SPEF2: variants seen among roughly 807,000 people sequenced by gnomAD.
SPEF2 encodes sperm flagellar and cilia associated 2, also known as sperm flagella and cilia-associated protein 2.
SPEF2 carries 187 observed loss-of-function variants against 224.6 expected under a neutral mutation model. The ratio of observed to expected loss-of-function variants is 0.83; its 90% CI spans 0.74 to 0.94. SPEF2 has a LOEUF of 0.94. Among genes scored for constraint, SPEF2 ranks in the 40% least tolerant of loss-of-function variants. The pLI is 0.00. For synonymous variants in SPEF2, 715 were observed against 707.3 expected (o/e 1.01, Z -0.17); for missense variants, 2,170 against 2,135.6 (o/e 1.02, Z -0.32).
intron 18 of SPEF2, among the ~76,000 whole-genome samples, chr5:35,706,961 C>T (rs1739896228): frequency 6.6e-6 from 1 of 152,180 alleles, no homozygotes; most frequent in Admixed American, 6.5e-5. Flanking sequence ...GGGTTAGAAT[C>T]AGTTTGTTTT....
At chr5:35,795,538 T>C (rs1174558397) in intron 32 of SPEF2, among the ~76,000 whole-genome samples, 165 bp from the exon 33 acceptor site, 2 of 152,154 alleles carry the variant, frequency 1.3e-5, no homozygotes, top group Non-Finnish European at 2.9e-5. Flanking sequence ...TAAAAAGAAA[T>C]GTAAATGGAA....
chr5:35,710,013 C>T (rs1740780351), intron 19 of SPEF2: 3 of 978,456 alleles, frequency 3.1e-6, no homozygotes, highest in African/African-American at 3.5e-5. Flanking sequence ...TAAACTTATT[C>T]ATATTAAACA....
chr5:35,666,744 C>G (rs1433965785), intron 8 of SPEF2, among the ~76,000 whole-genome samples: 1 of 152,132 alleles, frequency 6.6e-6, no homozygotes, highest in Non-Finnish European at 1.5e-5. Flanking sequence ...TCTCTCCGAT[C>G]CCTATTTGCA....
intron 6 of SPEF2, among the ~76,000 whole-genome samples, chr5:35,651,501 G>T (rs751376638): frequency 6.6e-6 from 1 of 152,142 alleles, no homozygotes; most frequent in East Asian, 1.9e-4. Context: ...CACAAAGTTC[G>T]TTTTCTCTTT....
intron 1 of SPEF2, among the ~76,000 whole-genome samples, chr5:35,622,867 A>G (rs952296477): frequency 1.3e-5 from 2 of 152,220 alleles, no homozygotes; most frequent in African/African-American, 2.4e-5. Flanking sequence ...TATTTTCACA[A>G]TTAAAGAGGG....
At chr5:35,723,138 G>A (rs201741252) in intron 20 of SPEF2, among the ~76,000 whole-genome samples, 1 of 152,126 alleles carries the variant, frequency 6.6e-6, no homozygotes, top group East Asian at 1.9e-4. Context: ...AACTTCCCAA[G>A]GCTTCACCCC....
At chr5:35,796,501 A>G (rs1756686318) in intron 33 of SPEF2, among the ~76,000 whole-genome samples, 1 of 151,680 alleles carries the variant, frequency 6.6e-6, no homozygotes, top group South Asian at 2.1e-4. Flanking sequence ...AGTCCCAGCT[A>G]CTCGGGAGGT....
intron 33 of SPEF2, among the ~76,000 whole-genome samples, chr5:35,796,303 C>A (rs1247364877): frequency 7.1e-6 from 1 of 140,342 alleles, no homozygotes; most frequent in African/African-American, 3.1e-5. Context: ...CAATAAAAAG[C>A]CAGACCTTAA....
chr5:35,619,478 C>T lies in SPEF2; in HGVS notation c.58+1423C>T, dbSNP rs765905054. Among the ~76,000 whole-genome samples, 10 of 152,036 alleles carry T rather than the reference C, an allele frequency of 6.6e-5. No individual in the cohort carries two copies. In the East Asian group the frequency reaches 1.4e-3, roughly 21 times the overall value. On this transcript the variant is annotated intron_variant, in intron 1 of 36. Coordinates refer to ENST00000356031, the MANE Select transcript of SPEF2 (RefSeq NM_024867.4). ...TGGGCAGATCATGAGGTCAGGAGTTCGAGACCAGCCTGGCCAACATAGTGA... is the reference window on the plus strand; with the variant it reads ...TGGGCAGATCATGAGGTCAGGAGTTTGAGACCAGCCTGGCCAACATAGTGA...
At chr5:35,621,030 T>C (rs1743433545) in intron 1 of SPEF2, among the ~76,000 whole-genome samples, 1 of 152,202 alleles carries the variant, frequency 6.6e-6, no homozygotes, top group South Asian at 2.1e-4. Context: ...ATCTCTGTTA[T>C]CTGGCTTGTT....
intron 2 of SPEF2, among the ~76,000 whole-genome samples, chr5:35,637,149 G>A (rs1745953384): frequency 1.3e-5 from 2 of 152,068 alleles, no homozygotes; most frequent in African/African-American, 4.8e-5. Context: ...TGGAGCTAGG[G>A]AGTGAGGTAT....
chr5:35,813,552 G>A (rs1012009144), intron 36 of SPEF2, among the ~76,000 whole-genome samples: 5 of 152,078 alleles, frequency 3.3e-5, no homozygotes, highest in Admixed American at 2.0e-4. Flanking sequence ...AGTCAATGGG[G>A]AGCAGCTTTT....
Position 35,712,839 on chromosome 5 carries a change from T to C in SPEF2, c.2867T>C (p.Leu956Pro). 6.2e-7 allele frequency: 1 copy of C among 1,613,820 alleles called. No homozygotes were observed. Among genetic ancestry groups the C allele is most frequent in the South Asian group, 1.1e-5 (1 of 91,050 alleles). The change falls in exon 20 of 37, where the codon CTT becomes CCT. Residue 956 changes from leucine to proline, a missense_variant. Transcript: ENST00000356031. ...SEAPHGKQES[L>P]QEGKGKKGET... The stretch of plus-strand genomic sequence containing the variant: ...GCCCCGCATGGTAAGCAAGAATCTC[T>C]TCAGGAAGGAAAAGGGAAGAAAGGT...
chr5:35,756,055 C>T (rs762703822), intron 24 of SPEF2, among the ~76,000 whole-genome samples: 7 of 152,050 alleles, frequency 4.6e-5, no homozygotes, highest in Admixed American at 1.3e-4. Context: ...ACCCACAGTC[C>T]GAAAATATTA....
Position 35,727,637 on chromosome 5 carries a change from T to C in SPEF2, c.2915-38T>C, listed in dbSNP as rs1744890732. On this transcript the variant is annotated intron_variant, in intron 20 of 36. Transcript: ENST00000356031. ...ATCTACCAGAATTCTGTCCCATTCA[T>C]TTACTTGTATTGGAATAATTTGATA... 3.2e-6 allele frequency: 5 copies of C among 1,563,626 alleles called. No homozygotes were observed. In the East Asian group the frequency reaches 1.1e-4, roughly 35 times the overall value.
chr5:35,708,891 G>C (rs1740547896), intron 18 of SPEF2, 57 bp from the exon 19 acceptor site: 1 of 1,452,242 alleles, frequency 6.9e-7, no homozygotes, highest in Non-Finnish European at 9.4e-7. Context: ...TAGTTCAAGT[G>C]AAATAGTAGA....
intron 2 of SPEF2, among the ~76,000 whole-genome samples, chr5:35,631,923 A>G (rs1232926812): frequency 1.1e-4 from 16 of 152,220 alleles, no homozygotes; most frequent in Admixed American, 9.8e-4. Context: ...GAAAGGATGT[A>G]TGTAGATTAT....
At chr5:35,661,257 TATATATATATA>T (rs1749664182) in intron 8 of SPEF2, among the ~76,000 whole-genome samples, 1 of 6,236 alleles carries the variant, frequency 1.6e-4, no homozygotes, top group Non-Finnish European at 2.5e-4. Flanking sequence ...GTATATATTA[TATATATATATA>T]TATATATATA....
At chr5:35,709,170 CT>C in intron 19 of SPEF2, 49 bp downstream of exon 19, 3 of 1,594,314 alleles carry the variant, frequency 1.9e-6, no homozygotes, top group Non-Finnish European at 2.6e-6. Context: ...CTTATTTTTA[CT>C]CAGTAAAGAA....
Sources: gnomAD v4.1 joint callset for allele counts (sites outside exome capture counted in the v4.1 genomes callset) on GRCh38, gnomAD v4.1.1 for gene constraint, MANE v1.5 for transcripts, NCBI Gene and HGNC (gene_info 2026-07-23, HGNC 2026-07-21) for gene names.